The following USP4 variants were observed in gnomAD, a reference collection of about 807,000 sequenced individuals.
USP4 encodes ubiquitin specific peptidase 4, also known as ubiquitin carboxyl-terminal hydrolase 4.
USP4 carries 72 observed loss-of-function variants against 118.2 expected under a neutral mutation model. The ratio of observed to expected loss-of-function variants is 0.61; its 90% CI spans 0.50 to 0.74. The LOEUF (loss-of-function observed/expected upper bound fraction) is 0.74, where lower values mean the gene tolerates loss of function less well. Among genes scored for constraint, USP4 ranks in the 30% least tolerant of loss-of-function variants. USP4 has a pLI of 0.00. For synonymous variants in USP4, 415 were observed against 440.4 expected, an observed-to-expected ratio of 0.94 and a Z score of 0.72; for missense variants, 1,037 against 1,185.7, an observed-to-expected ratio of 0.87 and a Z score of 1.84.
chr3:49,293,024 G>A (rs2047166865), intron 14 of USP4, among the ~76,000 whole-genome samples: 1 of 151,770 alleles, frequency 6.6e-6, no homozygotes, highest in African/African-American at 2.4e-5. Flanking sequence ...GAGCAACTCT[G>A]TCTCAAAAAA....
At chr3:49,318,151 A>G (rs1474417152) in intron 6 of USP4, among the ~76,000 whole-genome samples, 1 of 152,022 alleles carries the variant, frequency 6.6e-6, no homozygotes, top group African/African-American at 2.4e-5. Flanking sequence ...TTATTTTTTT[A>G]AGAGACAGGG....
chr3:49,303,340 C>A (rs2047279366), intron 9 of USP4, among the ~76,000 whole-genome samples: 1 of 149,288 alleles, frequency 6.7e-6, no homozygotes, highest in African/African-American at 2.5e-5. Flanking sequence ...ACGCAGGAGG[C>A]TGAGGCAGGA....
At chr3:49,282,107 G>A (rs1014328786) in intron 19 of USP4, among the ~76,000 whole-genome samples, 3 of 152,150 alleles carry the variant, frequency 2.0e-5, no homozygotes, top group Admixed American at 2.0e-4. Context: ...AAATGGTGAT[G>A]AGGGTCTAGA....
intron 14 of USP4, 33 bp from the exon 15 acceptor site, chr3:49,292,631 A>G: frequency 7.0e-7 from 1 of 1,436,352 alleles, no homozygotes; most frequent in Middle Eastern, 1.8e-4. Flanking sequence ...GAAAAAAAAG[A>G]TTGTTAGTTG....
At chr3:49,316,755 G>A in intron 6 of USP4, 1 of 403,098 alleles carries the variant, frequency 2.5e-6, no homozygotes, top group Non-Finnish European at 4.5e-6. Context: ...CCTGCCCTGG[G>A]CCTCTGCTGG....
At position 49,278,152 on chromosome 3, in the gene USP4, T is replaced by C; in HGVS notation, c.*141A>G. 1.1e-6 allele frequency: 1 copy of C among 939,266 alleles called. No homozygotes were observed. 58.2% of individuals were successfully genotyped at this position (939,266 alleles called of 1,614,324 possible). A position where few individuals can be genotyped will look rare whatever the true frequency, so the allele number is the denominator to read the frequency against. ...TAGGTAAACGGTCTTCTTTTTTTTT[T>C]TTTGTTTCCTTCTGCTCATAAAAGA... On this transcript the variant is annotated 3_prime_UTR_variant, in exon 22 of 22. Coordinates refer to ENST00000265560, the MANE Select transcript of USP4 (RefSeq NM_003363.4).
At chr3:49,297,767 G>A (rs752777411) in intron 13 of USP4, 103 bp downstream of exon 13, 1 of 948,310 alleles carries the variant, frequency 1.1e-6, no homozygotes, top group Non-Finnish European at 1.7e-6. Flanking sequence ...CAATCCACAT[G>A]AGCAATGACT....
At chr3:49,318,696 G>A in intron 6 of USP4, 7 of 856,576 alleles carry the variant, frequency 8.2e-6, no homozygotes, top group Non-Finnish European at 9.8e-6. Context: ...ATCACCTGAG[G>A]CCAGGAGTTC....
intron 1 of USP4, among the ~76,000 whole-genome samples, chr3:49,338,833 C>A (rs2047700263): frequency 6.6e-6 from 1 of 152,008 alleles, no homozygotes; most frequent in Non-Finnish European, 1.5e-5. Context: ...CAGATCATCA[C>A]CACAATGATT....
At chr3:49,317,645 C>A (rs1466960755) in intron 6 of USP4, among the ~76,000 whole-genome samples, 4 of 149,106 alleles carry the variant, frequency 2.7e-5, no homozygotes, top group African/African-American at 7.4e-5. Flanking sequence ...GGGTTCACAT[C>A]ATTCTCCTGC....
At chr3:49,292,634 G>A in intron 14 of USP4, 36 bp from the exon 15 acceptor site, 1 of 1,412,738 alleles carries the variant, frequency 7.1e-7, no homozygotes, top group Non-Finnish European at 9.6e-7. Flanking sequence ...AAAAAAGATT[G>A]TTAGTTGTAA....
chr3:49,325,752 G>A lies in USP4; in HGVS notation c.454C>T (p.Leu152=), dbSNP rs1306925815. 1 of 1,613,942 alleles carries A rather than the reference G, an allele frequency of 6.2e-7. No individual in the cohort carries two copies. Among genetic ancestry groups the A allele is most frequent in the Admixed American group, 1.7e-5 (1 of 60,002 alleles). ...LCENSDPTNV[L]SCHFSKADTI... ...TCTGCCTTGCTGAAATGGCAACTCA[G>A]CACATTGGTGGGGTCACTGTTCTCA... The change falls in exon 4 of 22, where the codon CTG becomes TTG. Residue 152 remains leucine (L), a synonymous_variant. Transcript: ENST00000265560.
At chr3:49,294,299 A>G in intron 14 of USP4, 108 bp downstream of exon 14, 1 of 1,236,150 alleles carries the variant, frequency 8.1e-7, no homozygotes, top group Non-Finnish European at 1.1e-6. Context: ...CATTTCTTAC[A>G]GAGGTGAGCA....
chr3:49,284,538 T>G lies in USP4; in HGVS notation c.2318A>C (p.Lys773Thr), dbSNP rs956168409. 4 of 1,611,434 alleles carry G rather than the reference T, an allele frequency of 2.5e-6. No individual in the cohort carries two copies. Among genetic ancestry groups the G allele is most frequent in the Non-Finnish European group, 1.7e-6 (2 of 1,178,408 alleles). ...VSMLQPQKKK[K>T]TTVALRDCIE... ...GCAGTCTCTCAGGGCCACTGTGGTC[T>G]TCTTCTTCTTCTGAGGCTGCAACAT... is the stretch of plus-strand genomic sequence containing the variant. Residue 773 changes from lysine (K) to threonine (T), a missense_variant, in exon 18 of 22, where the codon AAG (lysine) becomes ACG (threonine). This residue lies in a region of USP4 where 522 missense variants were observed against 592.6 expected (regional missense o/e 0.88). Transcript: ENST00000265560.
chr3:49,330,664 T>C (rs1355012950), intron 2 of USP4, among the ~76,000 whole-genome samples: 1 of 151,890 alleles, frequency 6.6e-6, no homozygotes, highest in Non-Finnish European at 1.5e-5. Context: ...GCTCAGTGCT[T>C]TTTCTGAGCA....
chr3:49,283,842 C>G, intron 19 of USP4, 145 bp downstream of exon 19: 1 of 912,966 alleles, frequency 1.1e-6, no homozygotes, highest in Non-Finnish European at 1.7e-6. Flanking sequence ...GAAGGGGTAA[C>G]TACAGCTAAA....
chr3:49,282,970 A>T (rs913518589), intron 19 of USP4, among the ~76,000 whole-genome samples: 1 of 142,764 alleles, frequency 7.0e-6, no homozygotes, highest in African/African-American at 2.7e-5. Flanking sequence ...GGCCTCCCAC[A>T]GTGCTGGGAT....
chr3:49,278,030 C>A lies in USP4; in HGVS notation c.*263G>T, dbSNP rs977459210. ...CATCAGACATACTCCATTGAGTACC[C>A]CCATCCCACCCCCTTTTCAGCTTCA... On this transcript the variant is annotated 3_prime_UTR_variant, in exon 22 of 22. Transcript: ENST00000265560. 7 of 499,708 alleles carry A rather than the reference C, an allele frequency of 1.4e-5. No homozygotes were observed. In the Admixed American group the frequency reaches 2.7e-4, roughly 19 times the overall value. 31.0% of individuals were successfully genotyped at this position (499,708 alleles called of 1,614,324 possible).
intron 6 of USP4, among the ~76,000 whole-genome samples, chr3:49,324,093 G>A (rs1005156078): frequency 2.6e-5 from 4 of 152,052 alleles, no homozygotes; most frequent in African/African-American, 9.7e-5. Context: ...TCACCTCCTG[G>A]ATTCAAGCGA....
Sources: allele counts gnomAD v4.1 joint callset (sites outside exome capture counted in the v4.1 genomes callset), GRCh38; gene constraint gnomAD v4.1.1; regional missense constraint gnomAD v4.1.1; transcripts MANE v1.5; gene names NCBI Gene and HGNC (gene_info 2026-07-23, HGNC 2026-07-21).